Variants in TAF4 observed in about 807,000 individuals in gnomAD.
TAF4 encodes TATA-box binding protein associated factor 4, also known as transcription initiation factor TFIID subunit 4.
TAF4 carries 9 observed loss-of-function variants against 90.3 expected under a neutral mutation model. The observed-to-expected ratio is 0.10, with a 90% CI of 0.06 to 0.17. TAF4 has a LOEUF of 0.17. Among genes scored for constraint, TAF4 ranks in the 10% least tolerant of loss-of-function variants. The pLI is 1.00. For synonymous variants in TAF4, 818 were observed against 638.9 expected, an observed-to-expected ratio of 1.28 and a Z score of -4.23; for missense variants, 1,351 against 1,370.7, an observed-to-expected ratio of 0.99 and a Z score of 0.23.
chr20:62,050,744 G>A (rs932591974), intron 1 of TAF4, among the ~76,000 whole-genome samples: 8 of 152,128 alleles, frequency 5.3e-5, no homozygotes, highest in African/African-American at 1.4e-4. Context: ...CACCTGCCAG[G>A]CTCCAGGCAG....
chr20:62,014,039 T>G lies in TAF4; in HGVS notation c.1521+508A>C, dbSNP rs543087583. 1.9e-3 allele frequency among the ~76,000 whole-genome samples: 241 copies of G among 124,328 alleles called. 3 individuals are homozygous for G. In the South Asian group the frequency reaches 0.023, roughly 12 times the overall value. The allele number at this position is 124,328 out of a possible 152,430, so 81.6% of individuals were successfully genotyped here. A position where few individuals can be genotyped will look rare whatever the true frequency, so the allele number is the denominator to read the frequency against. On this transcript the variant is annotated intron_variant, in intron 2 of 14. Transcript: ENST00000252996. ...GTGTGGGTGTGTGTGTGTGTGTGTG[T>G]GTGTGTATGTGTGTGTGTGTGTGTG...
intron 1 of TAF4, among the ~76,000 whole-genome samples, chr20:62,053,528 G>A (rs1175149171): frequency 6.6e-6 from 1 of 152,208 alleles, no homozygotes; most frequent in African/African-American, 2.4e-5. Context: ...AGCCACGAGC[G>A]ACGTTTATGC....
At chr20:62,000,097 C>G in intron 11 of TAF4, 27 bp downstream of exon 11, 2 of 1,614,180 alleles carry the variant, frequency 1.2e-6, no homozygotes, top group South Asian at 1.1e-5. Context: ...AACATAAAGA[C>G]GCTCTCCTCG....
intron 4 of TAF4, among the ~76,000 whole-genome samples, chr20:62,009,495 C>T (rs940446478): frequency 1.1e-4 from 17 of 152,206 alleles, no homozygotes; most frequent in African/African-American, 4.1e-4. Flanking sequence ...ACAACCTATG[C>T]CAATCCAAAC....
chr20:62,036,378 C>T (rs998976218), intron 1 of TAF4, among the ~76,000 whole-genome samples: 1 of 152,198 alleles, frequency 6.6e-6, no homozygotes, highest in Non-Finnish European at 1.5e-5. Context: ...GCATTTTACA[C>T]CCCCAGATTC....
chr20:62,064,744 G>A lies in TAF4; in HGVS notation c.1067C>T (p.Pro356Leu), dbSNP rs769295677. The change falls in exon 1 of 15, where the codon CCG becomes CTG. Residue 356 changes from proline (P) to leucine (L), a missense_variant. Around this residue, in one of 9 missense-constraint regions of TAF4, gnomAD observed 782 missense variants for 536.6 expected, o/e 1.46. Coordinates refer to ENST00000252996, the MANE Select transcript of TAF4 (RefSeq NM_003185.4). Reference sequence around the variant, plus strand: ...GCTGGCCGCCAGGGTCTGCGCCGCCGGGGGCGCCGCCTGCACCACCCTCTT... The same window carrying A: ...GCTGGCCGCCAGGGTCTGCGCCGCCAGGGGCGCCGCCTGCACCACCCTCTT... ...SPKRVVQAAP[P>L]AAQTLAASGP... 1.8e-5 allele frequency: 21 copies of A among 1,168,254 alleles called. No homozygotes were observed. The South Asian group carries it at 4.0e-4, about 22-fold the overall frequency. 72.4% of individuals were successfully genotyped at this position (1,168,254 alleles called of 1,614,324 possible). A position where few individuals can be genotyped will look rare whatever the true frequency, so the allele number is the denominator to read the frequency against.
chr20:62,065,240 C>A lies in TAF4; in HGVS notation c.571G>T (p.Gly191Cys), dbSNP rs1391704425. 8.7e-5 allele frequency: 94 copies of A among 1,085,466 alleles called. No individual in the cohort carries two copies. The highest frequency in any genetic ancestry group is 1.0e-4 in the Non-Finnish European group (92 of 881,330). 67.2% of individuals were successfully genotyped at this position (1,085,466 alleles called of 1,614,324 possible). Residue 191 changes from glycine (G) to cysteine (C), a missense_variant, in exon 1 of 15, where the codon GGC becomes TGC. By Grantham distance (159) the Gly-to-Cys change is radical. Coordinates refer to ENST00000252996, the MANE Select transcript of TAF4 (RefSeq NM_003185.4). ...TTCAAAGTTTGCGCGGCGCCGGGGC[C>A]GGCGGGCTTGCCAGGGCCAGGGCCG... ...GPGPGPGKPA[G>C]PGAAQTLNGS...
chr20:62,003,123 G>A (rs1422731703), intron 9 of TAF4, 37 bp downstream of exon 9: 1 of 1,564,882 alleles, frequency 6.4e-7, no homozygotes, highest in South Asian at 1.1e-5. Flanking sequence ...CTCCGCTCTG[G>A]CCACGCTTCT....
chr20:62,059,727 C>T (rs1377254988), intron 1 of TAF4, among the ~76,000 whole-genome samples: 1 of 152,212 alleles, frequency 6.6e-6, no homozygotes, highest in Non-Finnish European at 1.5e-5. Context: ...CCTGGATGAT[C>T]GAGGGCTTGG....
chr20:61,981,957 G>A (rs1167393662), intron 14 of TAF4, among the ~76,000 whole-genome samples: 2 of 126,292 alleles, frequency 1.6e-5, no homozygotes, highest in Admixed American at 1.6e-4. Context: ...ACACCCACCG[G>A]AGAGGAGACA....
chr20:61,988,164 C>A (rs1600828403), intron 14 of TAF4, among the ~76,000 whole-genome samples: 1 of 152,124 alleles, frequency 6.6e-6, no homozygotes, highest in Non-Finnish European at 1.5e-5. Context: ...TCAAAACCCA[C>A]AGAATGTACA....
intron 1 of TAF4, among the ~76,000 whole-genome samples, chr20:62,039,496 C>G (rs2055951964): frequency 6.6e-6 from 1 of 152,138 alleles, no homozygotes; most frequent in African/African-American, 2.4e-5. Flanking sequence ...ACTCCTGTAC[C>G]TTGGGTTAGG....
chr20:62,001,709 T>A (rs889720782), intron 9 of TAF4, among the ~76,000 whole-genome samples: 11 of 151,988 alleles, frequency 7.2e-5, no homozygotes, highest in African/African-American at 2.4e-4. Flanking sequence ...AGCTTAGGGC[T>A]CCAGCTGAAG....
intron 1 of TAF4, among the ~76,000 whole-genome samples, chr20:62,044,284 T>A (rs901805816): frequency 6.6e-6 from 1 of 152,162 alleles, no homozygotes; most frequent in African/African-American, 2.4e-5. Context: ...CAGATTATAT[T>A]AAGAAAAAAT....
At chr20:62,030,433 C>T (rs2055898504) in intron 1 of TAF4, among the ~76,000 whole-genome samples, 1 of 152,224 alleles carries the variant, frequency 6.6e-6, no homozygotes, top group African/African-American at 2.4e-5. Context: ...AGCTCTGAAA[C>T]ATTAAAATGA....
intron 1 of TAF4, among the ~76,000 whole-genome samples, chr20:62,040,003 G>A (rs183730843): frequency 2.6e-5 from 4 of 152,286 alleles, no homozygotes; most frequent in East Asian, 3.9e-4. Flanking sequence ...CCAGCTTTCC[G>A]CAAGGATGTC....
chr20:61,980,700 C>T (rs2055535227), intron 14 of TAF4: 1 of 152,304 alleles, frequency 6.6e-6, no homozygotes, highest in Non-Finnish European at 1.5e-5. Context: ...CTTCCAAACA[C>T]AGTTCAGCAC....
intron 1 of TAF4, among the ~76,000 whole-genome samples, chr20:62,027,601 T>C (rs1386906012): frequency 6.6e-6 from 1 of 152,226 alleles, no homozygotes; most frequent in East Asian, 1.9e-4. Flanking sequence ...CCGTTTCTCC[T>C]GCCAACCACA....
At position 61,975,150 on chromosome 20, in the gene TAF4, A is replaced by G. The variant is rs1448594502; in HGVS notation, c.*1018T>C. 6.6e-6 allele frequency: 1 copy of G among 152,444 alleles called. No individual in the cohort carries two copies. Among genetic ancestry groups the G allele is most frequent in the African/African-American group, 2.4e-5 (1 of 41,476 alleles). 9.4% of individuals were successfully genotyped at this position (152,444 alleles called of 1,614,324 possible). A position where few individuals can be genotyped will look rare whatever the true frequency, so the allele number is the denominator to read the frequency against. ...CTGAAAATAGAAAGAACCAATTAGT[A>G]TATTTGTAATAAAAAAATAGGTACA... On this transcript the variant is annotated 3_prime_UTR_variant, in exon 15 of 15. Transcript: ENST00000252996.
Sources: gnomAD v4.1 joint callset for allele counts (sites outside exome capture counted in the v4.1 genomes callset) on GRCh38, gnomAD v4.1.1 for gene constraint, gnomAD v4.1.1 regional missense constraint, MANE v1.5 for transcripts, NCBI Gene and HGNC (gene_info 2026-07-23, HGNC 2026-07-21) for gene names.